The following USH2A variants were observed in gnomAD, a reference collection of about 807,000 sequenced individuals.
USH2A encodes usherin, also known as Usher syndrome 2A (autosomal recessive, mild).
A neutral mutation model predicts 538.9 loss-of-function variants in USH2A; 443 were observed. The observed-to-expected ratio is 0.82, with a 90% confidence interval of 0.76 to 0.89. The LOEUF is 0.89. USH2A is among the 40% of genes least tolerant of loss of function. The pLI, the probability that USH2A is intolerant of heterozygous loss-of-function variation, is 0.00. For synonymous variants in USH2A, 2,413 were observed against 2,273.5 expected, an observed-to-expected ratio of 1.06 and a Z score of -1.75; for missense variants, 6,633 against 6,324.8, an observed-to-expected ratio of 1.05 and a Z score of -1.65.
chr1:216,091,356 A>ATT (rs1571953710), intron 22 of USH2A, among the ~76,000 whole-genome samples: 1 of 152,224 alleles, frequency 6.6e-6, no homozygotes, highest in African/African-American at 2.4e-5. Context: ...AACATAGATC[A>ATT]TTACTGGTCA....
intron 58 of USH2A, among the ~76,000 whole-genome samples, chr1:215,758,054 C>T (rs1002007435): frequency 3.3e-5 from 5 of 151,998 alleles, no homozygotes; most frequent in African/African-American, 4.8e-5. Context: ...GAGGCTGAGG[C>T]GGGTGAATTA....
intron 35 of USH2A, among the ~76,000 whole-genome samples, chr1:215,981,021 T>C (rs1256529734): frequency 6.6e-6 from 1 of 152,194 alleles, no homozygotes; most frequent in Admixed American, 6.5e-5. Flanking sequence ...CATCTCTTTT[T>C]GAAAGTATGT....
intron 47 of USH2A, among the ~76,000 whole-genome samples, chr1:215,818,120 T>G (rs1034736542): frequency 6.6e-6 from 1 of 151,952 alleles, no homozygotes; most frequent in Non-Finnish European, 1.5e-5. Flanking sequence ...TTTAATCAGT[T>G]TTTTATGTTA....
At chr1:216,085,689 G>GAAGGGCA (rs970801203) in intron 24 of USH2A, among the ~76,000 whole-genome samples, 1 of 151,580 alleles carries the variant, frequency 6.6e-6, no homozygotes, top group African/African-American at 2.4e-5. Flanking sequence ...CTATTTCCCA[G>GAAGGGCA]AAGGGCAAAA....
intron 38 of USH2A, among the ~76,000 whole-genome samples, chr1:215,905,416 T>G (rs2102473986): frequency 6.6e-6 from 1 of 152,142 alleles, no homozygotes; most frequent in Non-Finnish European, 1.5e-5. Context: ...TACAAGACAC[T>G]GAATACCACT....
Position 216,418,689 on chromosome 1 carries a change from C to T in USH2A, c.486-10G>A. The T allele has an allele frequency of 6.2e-7, 1 of 1,612,700 alleles. No individual in the cohort carries two copies. Among genetic ancestry groups the T allele is most frequent in the South Asian group, 1.1e-5 (1 of 91,046 alleles). On this transcript the variant is annotated splice_polypyrimidine_tract_variant and intron_variant, in intron 2 of 71. Transcript: ENST00000307340. ...CTTTTCTATAACACACCTTAGGAAGCAACCGGAAAAGAGAGAAAAGGTCAG... is the reference window on the plus strand; with the variant it reads ...CTTTTCTATAACACACCTTAGGAAGTAACCGGAAAAGAGAGAAAAGGTCAG...
At chr1:216,355,375 G>GAAAGAAAGAAAGAA (rs748251919) in intron 4 of USH2A, among the ~76,000 whole-genome samples, 1 of 133,850 alleles carries the variant, frequency 7.5e-6, no homozygotes, top group Non-Finnish European at 1.7e-5. Context: ...AAGAAAGAAA[G>GAAAGAAAGAAAGAA]AAGGAAAGAA....
intron 48 of USH2A, among the ~76,000 whole-genome samples, chr1:215,814,464 G>A (rs904406498): frequency 2.6e-5 from 4 of 151,902 alleles, no homozygotes; most frequent in African/African-American, 7.3e-5. Flanking sequence ...TTAAAAAATT[G>A]TAAATTTCAT....
intron 3 of USH2A, among the ~76,000 whole-genome samples, chr1:216,412,306 A>G (rs1184874255): frequency 2.6e-5 from 4 of 152,146 alleles, no homozygotes; most frequent in Non-Finnish European, 4.4e-5. Context: ...CGTACAGAGA[A>G]TAATTACTTT....
chr1:215,953,710 A>T (rs2102443524), intron 37 of USH2A, among the ~76,000 whole-genome samples: 1 of 152,188 alleles, frequency 6.6e-6, no homozygotes, highest in South Asian at 2.1e-4. Context: ...ATAATTGACA[A>T]ATGGGATCTA....
chr1:215,948,586 C>G (rs957923524), intron 37 of USH2A, among the ~76,000 whole-genome samples: 5 of 151,766 alleles, frequency 3.3e-5, no homozygotes, highest in East Asian at 1.9e-4. Flanking sequence ...AACAAATATA[C>G]AGTATAATCT....
intron 3 of USH2A, among the ~76,000 whole-genome samples, chr1:216,414,548 T>C (rs1329515850): frequency 6.6e-6 from 1 of 152,106 alleles, no homozygotes; most frequent in African/African-American, 2.4e-5. Context: ...AGAATTCTGA[T>C]TTTACTGATG....
At chr1:215,707,883 T>C (rs986127010) in intron 61 of USH2A, among the ~76,000 whole-genome samples, 8 of 152,188 alleles carry the variant, frequency 5.3e-5, no homozygotes, top group African/African-American at 1.9e-4. Flanking sequence ...GGTCACAAAA[T>C]ACTCCATAAA....
intron 60 of USH2A, among the ~76,000 whole-genome samples, chr1:215,740,193 C>T (rs1660262760): frequency 6.6e-6 from 1 of 152,108 alleles, no homozygotes; most frequent in Non-Finnish European, 1.5e-5. Context: ...CCCTCCATCT[C>T]TCCCTCATTC....
At chr1:216,006,738 C>A (rs1232088579) in intron 32 of USH2A, among the ~76,000 whole-genome samples, 1 of 152,142 alleles carries the variant, frequency 6.6e-6, no homozygotes, top group Non-Finnish European at 1.5e-5. Flanking sequence ...TAAGGGTTTA[C>A]ATTGAAGCCC....
At position 215,813,862 on chromosome 1, in the gene USH2A, G is replaced by C; in HGVS notation, c.9613C>G (p.Arg3205Gly). 1.2e-6 allele frequency: 2 copies of C among 1,613,838 alleles called. No homozygotes were observed. The highest frequency in any genetic ancestry group is 1.7e-6 in the Non-Finnish European group (2 of 1,179,844). Residue 3205 changes from arginine (R) to glycine (G), a missense_variant, in exon 49 of 72, where the codon CGC (arginine) becomes GGC (glycine). Arg to Gly is a moderately radical substitution (Grantham distance 125). Coordinates refer to ENST00000307340, the MANE Select transcript of USH2A (RefSeq NM_206933.4). ...GGGATATACTTTTCTTCACAACAGC[G>C]ATGTCCAGGCTTGGGGTTATAGAGC... ...GVLYNPKPGHRCCEEKYIPFV... is the reference protein window; with the variant it reads ...GVLYNPKPGHGCCEEKYIPFV...
At chr1:216,369,450 C>G (rs1197802922) in intron 3 of USH2A, among the ~76,000 whole-genome samples, 1 of 152,192 alleles carries the variant, frequency 6.6e-6, no homozygotes, top group Non-Finnish European at 1.5e-5. Context: ...AGTCTCCTCA[C>G]TGTCTGACGA....
chr1:215,692,155 G>A (rs757111958), intron 61 of USH2A, among the ~76,000 whole-genome samples: 4 of 152,162 alleles, frequency 2.6e-5, no homozygotes, highest in Admixed American at 2.6e-4. Flanking sequence ...TCTTGATTTC[G>A]TGGCAAATCG....
chr1:216,337,779 C>G (rs1269932148), intron 4 of USH2A, among the ~76,000 whole-genome samples: 6 of 151,036 alleles, frequency 4.0e-5, no homozygotes. Context: ...TCAAATAAAT[C>G]TATAGTCAAA....
Sources: allele counts gnomAD v4.1 joint callset (sites outside exome capture counted in the v4.1 genomes callset), GRCh38; gene constraint gnomAD v4.1.1; transcripts MANE v1.5; gene names NCBI Gene and HGNC (gene_info 2026-07-23, HGNC 2026-07-21).